PPIL1: variants seen among roughly 807,000 people sequenced by gnomAD.
PPIL1 encodes peptidyl-prolyl cis-trans isomerase-like 1.
A neutral mutation model predicts 19.4 loss-of-function variants in PPIL1; 14 were observed. The ratio of observed to expected loss-of-function variants is 0.72; its 90% CI spans 0.48 to 1.13. The LOEUF (loss-of-function observed/expected upper bound fraction) is 1.13, where lower values mean the gene tolerates loss of function less well. PPIL1 is among the 50% of genes most tolerant of loss of function. The pLI is 0.00. For synonymous variants in PPIL1, 72 were observed against 73.6 expected (o/e 0.98, Z 0.11); for missense variants, 192 against 218.0 (o/e 0.88, Z 0.75).
At chr6:36,870,785 C>T (rs980484101) in intron 2 of PPIL1, among the ~76,000 whole-genome samples, 2 of 152,006 alleles carry the variant, frequency 1.3e-5, no homozygotes, top group African/African-American at 2.4e-5. Flanking sequence ...CCAACCCGCC[C>T]GGCTAATTTT....
At position 36,854,938 on chromosome 6, in the gene PPIL1, A is replaced by C. The variant is rs999968297; in HGVS notation, c.*875T>G. 1 of 152,670 alleles carries C rather than the reference A, an allele frequency of 6.6e-6. No individual in the cohort carries two copies. Among genetic ancestry groups the C allele is most frequent in the African/African-American group, 2.4e-5 (1 of 41,454 alleles). 9.5% of individuals were successfully genotyped at this position (152,670 alleles called of 1,614,324 possible). A position where few individuals can be genotyped will look rare whatever the true frequency, so the allele number is the denominator to read the frequency against. ...AAAATCCAGAAAGTTATTTTTATAC[A>C]TAAACAACTGAACATATAAAAATCT... On this transcript the variant is annotated 3_prime_UTR_variant, in exon 4 of 4. Transcript: ENST00000373699.
At chr6:36,867,417 T>C (rs991117237) in intron 2 of PPIL1, among the ~76,000 whole-genome samples, 1 of 151,832 alleles carries the variant, frequency 6.6e-6, no homozygotes. Flanking sequence ...GAGGAAAAAA[T>C]AGAAAATTCT....
intron 2 of PPIL1, 90 bp downstream of exon 2, chr6:36,871,628 G>C (rs906057182): frequency 5.5e-6 from 8 of 1,464,634 alleles, no homozygotes; most frequent in Non-Finnish European, 7.4e-6. Flanking sequence ...ATTTACGACA[G>C]AGACTTCAGA....
intron 2 of PPIL1, among the ~76,000 whole-genome samples, chr6:36,869,595 C>T (rs1017993607): frequency 1.3e-5 from 2 of 151,848 alleles, no homozygotes; most frequent in African/African-American, 4.8e-5. Flanking sequence ...CACTAAAAAA[C>T]CACTAGACAA....
chr6:36,874,688 G>A, intron 1 of PPIL1, 29 bp downstream of exon 1: 1 of 1,612,220 alleles, frequency 6.2e-7, no homozygotes, highest in Non-Finnish European at 8.5e-7. Context: ...CGTCTCCTCT[G>A]CCAGCCCCAG....
intron 2 of PPIL1, among the ~76,000 whole-genome samples, chr6:36,868,935 C>T (rs1005763818): frequency 1.3e-5 from 2 of 152,140 alleles, no homozygotes; most frequent in African/African-American, 4.8e-5. Flanking sequence ...TCTCAGAATG[C>T]TATACCCAGT....
Position 36,871,712 on chromosome 6 carries a change from C to A in PPIL1, c.211+6G>T. 2 of 1,592,928 alleles carry A rather than the reference C, an allele frequency of 1.3e-6. No individual in the cohort carries two copies. The highest frequency in any genetic ancestry group is 1.7e-6 in the Non-Finnish European group (2 of 1,173,062). On this transcript the variant is annotated splice_donor_region_variant and intron_variant, in intron 2 of 3. Coordinates refer to ENST00000373699, the MANE Select transcript of PPIL1 (RefSeq NM_016059.5). ...AAAACATAAACTAATGTTGGCTTAA[C>A]TGTACCTGTCCCTGTTGGGTCACCT...
intron 2 of PPIL1, among the ~76,000 whole-genome samples, chr6:36,861,337 G>C (rs1297126704): frequency 1.3e-5 from 2 of 152,032 alleles, no homozygotes; most frequent in Non-Finnish European, 2.9e-5. Flanking sequence ...GGCTTATTTA[G>C]CTTGTCCCCT....
chr6:36,861,680 G>GTTT (rs55772980), intron 2 of PPIL1, among the ~76,000 whole-genome samples: 1 of 136,502 alleles, frequency 7.3e-6, no homozygotes. Flanking sequence ...TATGATCTGT[G>GTTT]TTTTTTTTTT....
intron 1 of PPIL1, among the ~76,000 whole-genome samples, chr6:36,872,999 G>A (rs1774550364): frequency 6.6e-6 from 1 of 152,220 alleles, no homozygotes; most frequent in Non-Finnish European, 1.5e-5. Context: ...GAGTGTGCTA[G>A]AAAATAGCTA....
intron 2 of PPIL1, among the ~76,000 whole-genome samples, chr6:36,866,602 G>T (rs565680057): frequency 4.7e-4 from 71 of 152,200 alleles, no homozygotes; most frequent in African/African-American, 1.7e-3. Flanking sequence ...GTGACATTAT[G>T]AAGGATCATG....
At chr6:36,865,003 T>A (rs1774367005) in intron 2 of PPIL1, among the ~76,000 whole-genome samples, 1 of 151,928 alleles carries the variant, frequency 6.6e-6, no homozygotes, top group African/African-American at 2.4e-5. Context: ...ACCAGTCACA[T>A]TTGTTTGAGC....
intron 2 of PPIL1, 139 bp downstream of exon 2, chr6:36,871,579 T>C (rs779615206): frequency 2.6e-5 from 28 of 1,060,744 alleles, no homozygotes; most frequent in Non-Finnish European, 3.5e-5. Context: ...ACACAGACCT[T>C]AGTAAGTGGA....
chr6:36,856,717 G>T, intron 2 of PPIL1, 63 bp from the exon 3 acceptor site: 1 of 1,462,548 alleles, frequency 6.8e-7, no homozygotes, highest in Non-Finnish European at 9.6e-7. Context: ...CAGCAAGAAT[G>T]ATGGCCCAGG....
At chr6:36,870,447 T>G (rs1774485593) in intron 2 of PPIL1, among the ~76,000 whole-genome samples, 1 of 152,186 alleles carries the variant, frequency 6.6e-6, no homozygotes. Context: ...TCTACATTCA[T>G]GGGTTCAACT....
intron 2 of PPIL1, among the ~76,000 whole-genome samples, chr6:36,870,245 T>C (rs1227476662): frequency 6.6e-6 from 1 of 152,134 alleles, no homozygotes; most frequent in East Asian, 1.9e-4. Flanking sequence ...CGAGCAGAAA[T>C]TAGCAGAGAA....
chr6:36,872,905 G>A (rs1355796879), intron 1 of PPIL1, among the ~76,000 whole-genome samples: 1 of 152,180 alleles, frequency 6.6e-6, no homozygotes, highest in African/African-American at 2.4e-5. Flanking sequence ...TATGGCACCT[G>A]GCCAGATGTG....
chr6:36,855,685 A>G lies in PPIL1; in HGVS notation c.*128T>C. On this transcript the variant is annotated 3_prime_UTR_variant, in exon 4 of 4. Transcript: ENST00000373699. The stretch of plus-strand genomic sequence containing the variant: ...TACTTCCATCTCTAACTCACCCAAG[A>G]TGCCAGGCCTCCTAAGCTTCATGAC... The G allele has an allele frequency of 1.1e-6, 1 of 877,622 alleles. No homozygotes were observed. The highest frequency in any genetic ancestry group is 1.8e-6 in the Non-Finnish European group (1 of 558,790). 54.4% of individuals were successfully genotyped at this position (877,622 alleles called of 1,614,324 possible).
At chr6:36,861,103 G>C (rs1774279034) in intron 2 of PPIL1, among the ~76,000 whole-genome samples, 1 of 151,450 alleles carries the variant, frequency 6.6e-6, no homozygotes. Flanking sequence ...GAGCTCTCGG[G>C]GGCCAATACC....
Sources: allele counts gnomAD v4.1 joint callset (sites outside exome capture counted in the v4.1 genomes callset), GRCh38; gene constraint gnomAD v4.1.1; transcripts MANE v1.5; gene names NCBI Gene and HGNC (gene_info 2026-07-23, HGNC 2026-07-21).